Variants in KRT72 observed in about 807,000 individuals in gnomAD.
KRT72 encodes keratin 72, also known as keratin, type II cytoskeletal 72.
In KRT72, 44 loss-of-function variants were observed where a neutral mutation model predicts 44.7. The ratio of observed to expected loss-of-function variants is 0.98; its 90% CI spans 0.77 to 1.27. The LOEUF (loss-of-function observed/expected upper bound fraction) is 1.27, where lower values mean the gene tolerates loss of function less well. Ranked by LOEUF, KRT72 falls within the 50% of genes most tolerant of loss-of-function variation. The probability of loss-of-function intolerance (pLI) is 0.00; values close to 1 mark genes in which losing one functional copy is unlikely to be tolerated. For synonymous variants in KRT72, 302 were observed against 280.4 expected (o/e 1.08, Z -0.77); for missense variants, 736 against 667.1 (o/e 1.10, Z -1.14).
At chr12:52,591,062 G>T in intron 5 of KRT72, 101 bp from the exon 6 acceptor site, 1 of 1,186,198 alleles carries the variant, frequency 8.4e-7, no homozygotes, top group Non-Finnish European at 1.1e-6. Context: ...AGTTCAACAA[G>T]ATCCTCAGGT....
chr12:52,593,712 C>T (rs1416195490), intron 2 of KRT72, among the ~76,000 whole-genome samples: 2 of 152,080 alleles, frequency 1.3e-5, no homozygotes, highest in Non-Finnish European at 2.9e-5. Context: ...CAATATGCTA[C>T]GACATGGATG....
chr12:52,599,623 C>T lies in KRT72; in HGVS notation c.427-511G>A, dbSNP rs7308411. The stretch of plus-strand genomic sequence containing the variant: ...TTTTTAGACTCAATAACTCCAAGCC[C>T]TCTGCCACACACCAGCATTCCTCTT... On this transcript the variant is annotated intron_variant, in intron 1 of 8. Transcript: ENST00000293745. Among the ~76,000 whole-genome samples, 1,219 of 152,296 alleles carry T rather than the reference C, an allele frequency of 8.0e-3. 21 individuals are homozygous for T. The highest frequency in any genetic ancestry group is 0.028 in the African/African-American group (1,165 of 41,560).
At chr12:52,592,256 A>G in intron 4 of KRT72, 140 bp downstream of exon 4, 1 of 665,202 alleles carries the variant, frequency 1.5e-6, no homozygotes, top group Non-Finnish European at 2.7e-6. Flanking sequence ...AGCACCCAGT[A>G]GGGCCTTGGT....
At chr12:52,602,936 C>G (rs901047051), upstream of KRT72, among the ~76,000 whole-genome samples, 1 of 152,114 alleles carries the variant, frequency 6.6e-6, no homozygotes, top group Non-Finnish European at 1.5e-5. Flanking sequence ...GAGATGGCAC[C>G]GATCACAGAT....
At chr12:52,594,711 T>G (rs1288318420) in intron 2 of KRT72, among the ~76,000 whole-genome samples, 1 of 152,296 alleles carries the variant, frequency 6.6e-6, no homozygotes, top group African/African-American at 2.4e-5. Flanking sequence ...GTAGCAAACC[T>G]GCACGTTGTG....
At chr12:52,596,342 A>C (rs1286563390) in intron 2 of KRT72, among the ~76,000 whole-genome samples, 1 of 152,192 alleles carries the variant, frequency 6.6e-6, no homozygotes, top group Non-Finnish European at 1.5e-5. Context: ...AATAAGAATC[A>C]ATATTCATAC....
At chr12:52,592,101 T>G (rs1940057408) in intron 4 of KRT72, among the ~76,000 whole-genome samples, 1 of 152,202 alleles carries the variant, frequency 6.6e-6, no homozygotes, top group South Asian at 2.1e-4. Flanking sequence ...GAACCTTCAC[T>G]GATGGCCCAG....
At chr12:52,598,866 C>T (rs1265171283) in intron 2 of KRT72, 32 bp downstream of exon 2, 11 of 1,598,518 alleles carry the variant, frequency 6.9e-6, no homozygotes, top group Admixed American at 1.7e-5. Flanking sequence ...AAATCAGATC[C>T]TCCAGGGCCA....
At position 52,601,188 on chromosome 12, in the gene KRT72, G is replaced by GACACTTGGGCCCCAGCCCGGCGCTGCCGA. The variant is rs757784234; in HGVS notation, c.236_264dup (p.Pro89SerfsTer54). ...ATGCCCCCGGGTGGGCACACGGAGG[G>GACACTTGGGCCCCAGCCCGGCGCTGCCGA]ACACTTGGGCCCCAGCCCGGCGCTG... On this transcript the variant is annotated frameshift_variant, in exon 1 of 9. Transcript: ENST00000293745. LOFTEE classifies it high-confidence loss of function. 6 of 1,612,806 alleles carry GACACTTGGGCCCCAGCCCGGCGCTGCCGA rather than the reference G, an allele frequency of 3.7e-6. No homozygotes were observed. Among genetic ancestry groups the GACACTTGGGCCCCAGCCCGGCGCTGCCGA allele is most frequent in the Non-Finnish European group, 5.1e-6 (6 of 1,179,418 alleles).
rs751705130 is a variant in KRT72, at chr12:52,586,008, A to C, written c.1510T>G (p.Cys504Gly). 2.2e-5 allele frequency: 35 copies of C among 1,613,708 alleles called. No homozygotes were observed. Among genetic ancestry groups the C allele is most frequent in the Non-Finnish European group, 2.6e-5 (31 of 1,179,882 alleles). The change falls in exon 9 of 9, where the codon TGT becomes GGT. Residue 504 changes from cysteine to glycine, a missense_variant. Cys to Gly is a radical substitution (Grantham distance 159). Transcript: ENST00000293745. The stretch of plus-strand genomic sequence containing the variant: ...CATCTGGAGGCCTTTTTGGTGGCAC[A>C]GCTGCTCCCCGAGGTTTTGGCAAGG... ...DPLAKTSGSS[C>G]ATKKASR is the part of the protein sequence containing the mutation.
At chr12:52,599,610 A>G (rs1339371712) in intron 1 of KRT72, among the ~76,000 whole-genome samples, 1 of 152,184 alleles carries the variant, frequency 6.6e-6, no homozygotes, top group Non-Finnish European at 1.5e-5. Context: ...TTTAGACTCA[A>G]TAACTCCAAG....
At chr12:52,596,558 T>A (rs997877279) in intron 2 of KRT72, among the ~76,000 whole-genome samples, 2 of 132,170 alleles carry the variant, frequency 1.5e-5, no homozygotes, top group Non-Finnish European at 3.1e-5. Context: ...TTTTTCTTTC[T>A]TTTTTTTTTT....
At chr12:52,596,024 C>T (rs1940216728) in intron 2 of KRT72, among the ~76,000 whole-genome samples, 2 of 152,248 alleles carry the variant, frequency 1.3e-5, no homozygotes, top group East Asian at 3.9e-4. Flanking sequence ...TAATCATTCA[C>T]CTAAGAAAAT....
Position 52,592,899 on chromosome 12 carries a change from A to G in KRT72, c.695T>C (p.Leu232Pro). 6.2e-7 allele frequency: 1 copy of G among 1,613,814 alleles called. No individual in the cohort carries two copies. Among genetic ancestry groups the G allele is most frequent in the Non-Finnish European group, 8.5e-7 (1 of 1,179,862 alleles). ...RTAAENEFVV[L>P]KKDVDAAYMN... Reference sequence around the variant, plus strand: ...ACCTGGCACCCCTCTTACCTTCTTGAGCACCACAAACTCATTCTCAGCAGC... The same window carrying G: ...ACCTGGCACCCCTCTTACCTTCTTGGGCACCACAAACTCATTCTCAGCAGC... The change falls in exon 3 of 9, where the codon CTC (leucine) becomes CCC (proline). Residue 232 changes from leucine to proline, a missense_variant. By Grantham distance (98) the Leu-to-Pro change is moderately conservative (BLOSUM62 -3). Transcript: ENST00000293745.
intron 8 of KRT72, among the ~76,000 whole-genome samples, chr12:52,586,726 G>C (rs1470222156): frequency 1.3e-5 from 2 of 152,190 alleles, no homozygotes; most frequent in Admixed American, 6.5e-5. Context: ...ACACTCATGA[G>C]TATCATTTGA....
At position 52,590,869 on chromosome 12, in the gene KRT72, C is replaced by G; in HGVS notation, c.1056G>C (p.Arg352Ser). The G allele has an allele frequency of 6.3e-7, 1 of 1,599,452 alleles. No individual in the cohort carries two copies. Among genetic ancestry groups the G allele is most frequent in the Non-Finnish European group, 8.6e-7 (1 of 1,168,998 alleles). Reference sequence around the variant, plus strand: ...TCACATTCCCTATCTCTGAGCGGATCCTCTGGATCAGGCGGTTGAGCTCAG... The same window carrying G: ...TCACATTCCCTATCTCTGAGCGGATGCTCTGGATCAGGCGGTTGAGCTCAG... ...EISELNRLIQ[R>S]IRSEIGNVKK... The change falls in exon 6 of 9, where the codon AGG becomes AGC. Residue 352 changes from arginine to serine, a missense_variant. Coordinates refer to ENST00000293745, the MANE Select transcript of KRT72 (RefSeq NM_080747.3).
At position 52,592,404 on chromosome 12, in the gene KRT72, A is replaced by G; in HGVS notation, c.790T>C (p.Tyr264His). The change falls in exon 4 of 9, where the codon TAT (tyrosine) becomes CAT (histidine). Residue 264 changes from tyrosine to histidine, a missense_variant. Physicochemically the swap from Tyr to His is moderately conservative, Grantham distance 83. Transcript: ENST00000293745. ...GTCAGCCAAGTCCTTACCCCTTCAT[A>G]AAGGCACTTGAAGAATTTAATCTCA... is the stretch of plus-strand genomic sequence containing the variant. The part of the protein sequence containing the change: ...TDEIKFFKCL[Y>H]EGEITQIQSH... The G allele has an allele frequency of 1.2e-6, 2 of 1,609,910 alleles. No individual in the cohort carries two copies. Among genetic ancestry groups the G allele is most frequent in the Non-Finnish European group, 8.5e-7 (1 of 1,176,250 alleles).
chr12:52,596,726 A>T (rs1040970670), intron 2 of KRT72, among the ~76,000 whole-genome samples: 1 of 151,800 alleles, frequency 6.6e-6, no homozygotes, highest in African/African-American at 2.4e-5. Context: ...AATTTTTTAT[A>T]TTTTTTGTAG....
chr12:52,594,525 G>C (rs973258584), intron 2 of KRT72, among the ~76,000 whole-genome samples: 1 of 151,826 alleles, frequency 6.6e-6, no homozygotes, highest in Non-Finnish European at 1.5e-5. Context: ...ACCAAACACC[G>C]CATGTTCTCA....
Sources: gnomAD v4.1 joint callset for allele counts (sites outside exome capture counted in the v4.1 genomes callset) on GRCh38, gnomAD v4.1.1 for gene constraint, MANE v1.5 for transcripts, NCBI Gene and HGNC (gene_info 2026-07-23, HGNC 2026-07-21) for gene names.